Variants in CCSER1 observed in about 807,000 individuals in gnomAD.
The protein encoded by CCSER1 is coiled-coil serine rich protein 1.
In CCSER1, 41 loss-of-function variants were observed where a neutral mutation model predicts 82.0. That is an observed-to-expected ratio of 0.50 (90% CI 0.39 to 0.65). The LOEUF (loss-of-function observed/expected upper bound fraction) is 0.65, where lower values mean the gene tolerates loss of function less well. CCSER1 is among the 30% of genes least tolerant of loss of function. The probability of loss-of-function intolerance (pLI) is 0.00; values close to 1 mark genes in which losing one functional copy is unlikely to be tolerated. For missense variants in CCSER1, 1,119 were observed against 1,064.2 expected (o/e 1.05, Z -0.72); for synonymous variants, 414 against 383.9 (o/e 1.08, Z -0.92).
At chr4:90,500,913 G>A (rs1769773133) in intron 5 of CCSER1, among the ~76,000 whole-genome samples, 1 of 151,194 alleles carries the variant, frequency 6.6e-6, no homozygotes, top group Non-Finnish European at 1.5e-5. Flanking sequence ...GGGAAACAAA[G>A]GAAAATAAAA....
rs965950550 is a variant in CCSER1, at chr4:90,687,445, A to AT, written c.1933-36459dup. Among the ~76,000 whole-genome samples, 106 of 148,926 alleles carry AT rather than the reference A, an allele frequency of 7.1e-4. 1 individual carries two copies. The highest frequency in any genetic ancestry group is 7.0e-3 in the Middle Eastern group (2 of 284). On this transcript the variant is annotated intron_variant, in intron 6 of 10. Coordinates refer to ENST00000509176, the MANE Select transcript of CCSER1 (RefSeq NM_001145065.2). ...ACACTTGTTCTTTAGGATTTCAACC[A>AT]TTTTTTTTTTCACCCAATGAAAATT...
chr4:90,215,228 T>C (rs1740804296), intron 1 of CCSER1, among the ~76,000 whole-genome samples: 1 of 152,202 alleles, frequency 6.6e-6, no homozygotes, highest in Non-Finnish European at 1.5e-5. Context: ...TAGTGAAGCA[T>C]TATCATCAGC....
rs1383901097 is a variant in CCSER1 at position 91,126,821 on chromosome 4, A to G, written c.2217+40827A>G. On this transcript the variant is annotated intron_variant, in intron 10 of 10. Coordinates refer to ENST00000509176, the MANE Select transcript of CCSER1 (RefSeq NM_001145065.2). The stretch of plus-strand genomic sequence containing the variant: ...TTTACTATGTAACACTATGTACTTA[A>G]CAGCAAGCACTCAACAAAAATCTAT... 2.0e-5 allele frequency among the ~76,000 whole-genome samples: 3 copies of G among 152,100 alleles called. No homozygotes were observed. The East Asian group carries it at 5.8e-4, about 29-fold the overall frequency.
At chr4:90,667,067 A>C (rs1406049020) in intron 6 of CCSER1, among the ~76,000 whole-genome samples, 1 of 152,178 alleles carries the variant, frequency 6.6e-6, no homozygotes, top group Non-Finnish European at 1.5e-5. Flanking sequence ...GGTAGAGTTA[A>C]CACCGAATCG....
intron 9 of CCSER1, among the ~76,000 whole-genome samples, chr4:90,986,855 C>G (rs941177436): frequency 6.6e-6 from 1 of 151,654 alleles, no homozygotes; most frequent in African/African-American, 2.4e-5. Flanking sequence ...CCTTCGGAGA[C>G]CCTGTGTATC....
intron 3 of CCSER1, among the ~76,000 whole-genome samples, chr4:90,375,946 C>T (rs1273161402): frequency 6.6e-6 from 1 of 152,164 alleles, no homozygotes; most frequent in Admixed American, 6.6e-5. Flanking sequence ...GTTGGAGGCA[C>T]TGCCAGCTTG....
At chr4:90,980,333 C>G (rs1735998282) in intron 9 of CCSER1, among the ~76,000 whole-genome samples, 2 of 151,646 alleles carry the variant, frequency 1.3e-5, no homozygotes, top group Non-Finnish European at 2.9e-5. Flanking sequence ...CAGCACAGAG[C>G]CCAATGTGTC....
chr4:90,529,951 A>ATATATAT lies in CCSER1; in HGVS notation c.1724+61598_1724+61599insATATATT, dbSNP rs376043950. On this transcript the variant is annotated intron_variant, in intron 5 of 10. Coordinates refer to ENST00000509176, the MANE Select transcript of CCSER1 (RefSeq NM_001145065.2). ...TATTAAATAGAATATATATATATAT[A>ATATATAT]TTTTTTTTTTCTCTAATGGTAGAGA... 1.4e-4 allele frequency among the ~76,000 whole-genome samples: 18 copies of ATATATAT among 127,146 alleles called. No individual in the cohort carries two copies. In the South Asian group the frequency reaches 4.2e-3, roughly 30 times the overall value. The allele number at this position is 127,146 out of a possible 152,430, so 83.4% of individuals were successfully genotyped here. A position where few individuals can be genotyped will look rare whatever the true frequency, so the allele number is the denominator to read the frequency against.
At chr4:90,591,272 A>G (rs1782658906) in intron 5 of CCSER1, among the ~76,000 whole-genome samples, 1 of 152,142 alleles carries the variant, frequency 6.6e-6, no homozygotes, top group Non-Finnish European at 1.5e-5. Flanking sequence ...ATTTGAATAC[A>G]ATTTCCTTCG....
Position 90,176,334 on chromosome 4 carries a change from T to C in CCSER1, c.-42+48503T>C, listed in dbSNP as rs546803883. Reference sequence around the variant, plus strand: ...AGACAGGCTAATTTGTAGAAGAGCTTTAGACACAGGATACAGTTTTTGCAA... The same window carrying C: ...AGACAGGCTAATTTGTAGAAGAGCTCTAGACACAGGATACAGTTTTTGCAA... On this transcript the variant is annotated intron_variant, in intron 1 of 10. Transcript: ENST00000509176. Among the ~76,000 whole-genome samples, 11 of 152,072 alleles carry C rather than the reference T, an allele frequency of 7.2e-5. 1 individual carries two copies. The South Asian group carries it at 2.1e-3, about 29-fold the overall frequency.
At chr4:90,169,457 A>G (rs530478649) in intron 1 of CCSER1, among the ~76,000 whole-genome samples, 1 of 152,212 alleles carries the variant, frequency 6.6e-6, no homozygotes, top group African/African-American at 2.4e-5. Flanking sequence ...TCCTAACTGA[A>G]TACCCTTTAT....
intron 1 of CCSER1, among the ~76,000 whole-genome samples, chr4:90,182,113 C>A (rs1052427309): frequency 6.6e-6 from 1 of 152,132 alleles, no homozygotes; most frequent in African/African-American, 2.4e-5. Context: ...TTGGAAAAAA[C>A]CCTAAAGATA....
chr4:91,469,583 C>A (rs899255222), intron 10 of CCSER1, among the ~76,000 whole-genome samples: 5 of 152,106 alleles, frequency 3.3e-5, no homozygotes, highest in African/African-American at 1.2e-4. Context: ...GAGAATCATA[C>A]CAGTCTAGAC....
chr4:90,373,925 C>T (rs1246965536), intron 3 of CCSER1, among the ~76,000 whole-genome samples: 2 of 152,164 alleles, frequency 1.3e-5, no homozygotes, highest in African/African-American at 4.8e-5. Context: ...TCCCCCTTTG[C>T]ATTCCCCTGG....
chr4:91,438,530 G>T (rs1412669796), intron 10 of CCSER1, among the ~76,000 whole-genome samples: 7 of 151,994 alleles, frequency 4.6e-5, no homozygotes, highest in African/African-American at 1.7e-4. Context: ...ACAAAGATGG[G>T]GAAAAAACAG....
chr4:91,568,612 C>A (rs564313425), intron 10 of CCSER1, among the ~76,000 whole-genome samples: 1 of 152,208 alleles, frequency 6.6e-6, no homozygotes, highest in South Asian at 2.1e-4. Flanking sequence ...TTCTGAGATT[C>A]TTTCCTCAGC....
In CCSER1 at chr4:90,127,481, T is replaced by C. The variant is rs1286177744; in HGVS notation, c.-392T>C. On this transcript the variant is annotated 5_prime_UTR_variant, in exon 1 of 11. Coordinates refer to ENST00000509176, the MANE Select transcript of CCSER1 (RefSeq NM_001145065.2). ...GCGCACTCACACACTTGGAAGCGCC[T>C]CCCCACGTCCCTCCCCTGCCCTCCT... is the stretch of plus-strand genomic sequence containing the variant. 1.3e-5 allele frequency: 2 copies of C among 152,522 alleles called. No homozygotes were observed. The highest frequency in any genetic ancestry group is 4.8e-5 in the African/African-American group (2 of 41,382). 9.4% of individuals were successfully genotyped at this position (152,522 alleles called of 1,614,324 possible).
intron 3 of CCSER1, among the ~76,000 whole-genome samples, chr4:90,332,381 C>T (rs912297865): frequency 3.9e-5 from 6 of 151,904 alleles, no homozygotes; most frequent in Non-Finnish European, 5.9e-5. Context: ...GGATTACAAG[C>T]GTGCGCTACC....
chr4:90,332,625 T>C (rs759687982), intron 3 of CCSER1, among the ~76,000 whole-genome samples: 4 of 152,188 alleles, frequency 2.6e-5, no homozygotes, highest in Non-Finnish European at 5.9e-5. Context: ...GATTTACAAA[T>C]TGGTGATTTT....
Sources: allele counts gnomAD v4.1 joint callset (sites outside exome capture counted in the v4.1 genomes callset), GRCh38; gene constraint gnomAD v4.1.1; transcripts MANE v1.5; gene names NCBI Gene and HGNC (gene_info 2026-07-23, HGNC 2026-07-21).